Variants in NTRK3 observed in about 807,000 individuals in gnomAD.
NTRK3 encodes neurotrophic receptor tyrosine kinase 3, also known as NT-3 growth factor receptor.
NTRK3 carries 24 observed loss-of-function variants against 91.7 expected under a neutral mutation model. That is an observed-to-expected ratio of 0.26 (90% CI 0.19 to 0.37). The LOEUF is 0.37. NTRK3 is among the 10% of genes least tolerant of loss of function. The pLI is 1.00. For missense variants in NTRK3, 880 were observed against 1,068.9 expected (o/e 0.82, Z 2.46); for synonymous variants, 483 against 404.0 (o/e 1.20, Z -2.34).
At chr15:87,871,634 C>T (rs1047568909) in exon 19 of NTRK3, 3 of 229,346 alleles carry the variant, frequency 1.3e-5, no homozygotes, top group Non-Finnish European at 2.6e-5. Context: ...AATGATCCAA[C>T]TTTACAAGAT....
At chr15:88,041,023 A>G (rs1234660353) in intron 13 of NTRK3, among the ~76,000 whole-genome samples, 1 of 152,208 alleles carries the variant, frequency 6.6e-6, no homozygotes, top group Non-Finnish European at 1.5e-5. Flanking sequence ...GCGTCTTCAC[A>G]CCAAACTACC....
At chr15:88,131,597 GAA>G (rs1197517327) in intron 10 of NTRK3, among the ~76,000 whole-genome samples, 1 of 152,212 alleles carries the variant, frequency 6.6e-6, no homozygotes. Context: ...GAGCCTGAGA[GAA>G]GAGAGGTGCC....
At chr15:88,092,266 C>T (rs77886232) in intron 13 of NTRK3, among the ~76,000 whole-genome samples, 4 of 152,160 alleles carry the variant, frequency 2.6e-5, no homozygotes, top group South Asian at 2.1e-4. Flanking sequence ...GGCTGGGCCA[C>T]GTCTCTAGTC....
chr15:88,168,058 G>A (rs1222469005), intron 5 of NTRK3, among the ~76,000 whole-genome samples: 1 of 152,170 alleles, frequency 6.6e-6, no homozygotes, highest in Non-Finnish European at 1.5e-5. Flanking sequence ...CAGCTGGTCA[G>A]CAAACAAGGT....
chr15:88,110,750 C>A (rs1437243792), intron 13 of NTRK3, among the ~76,000 whole-genome samples: 1 of 152,128 alleles, frequency 6.6e-6, no homozygotes, highest in African/African-American at 2.4e-5. Flanking sequence ...CCCTATAGCT[C>A]GGTGAGACTG....
At chr15:88,145,200 G>C (rs111871915) in intron 6 of NTRK3, among the ~76,000 whole-genome samples, 151 of 152,264 alleles carry the variant, frequency 9.9e-4, no homozygotes, top group African/African-American at 3.5e-3. Context: ...CATTTGCCAG[G>C]AACTGGGATT....
chr15:88,017,716 A>G (rs1310006724), intron 14 of NTRK3, among the ~76,000 whole-genome samples: 3 of 152,124 alleles, frequency 2.0e-5, no homozygotes, highest in Non-Finnish European at 4.4e-5. Context: ...GATGAACATC[A>G]CATCCCAGGC....
intron 13 of NTRK3, among the ~76,000 whole-genome samples, chr15:88,070,049 T>C (rs2046973793): frequency 6.6e-6 from 1 of 152,172 alleles, no homozygotes; most frequent in Non-Finnish European, 1.5e-5. Flanking sequence ...TTCTTTTTGC[T>C]CCCTTCTTCC....
At chr15:88,140,800 C>G (rs540294107) in intron 6 of NTRK3, among the ~76,000 whole-genome samples, 1 of 152,302 alleles carries the variant, frequency 6.6e-6, no homozygotes, top group Non-Finnish European at 1.5e-5. Context: ...AGGGCCCCCC[C>G]AGGACACCCT....
intron 3 of NTRK3, among the ~76,000 whole-genome samples, chr15:88,205,259 C>G (rs11854408): frequency 0.064 from 9,666 of 152,182 alleles, 952 homozygotes; most frequent in African/African-American, 0.21. Context: ...GTGAGAAACA[C>G]AAGGGATGAC....
chr15:87,878,060 T>A (rs758406692), intron 18 of NTRK3, among the ~76,000 whole-genome samples: 3 of 152,166 alleles, frequency 2.0e-5, no homozygotes, highest in Non-Finnish European at 4.4e-5. Flanking sequence ...ACTGAATATA[T>A]GCATTTTCAA....
chr15:88,095,762 G>C (rs904746895), intron 13 of NTRK3, among the ~76,000 whole-genome samples: 56 of 152,250 alleles, frequency 3.7e-4, no homozygotes, highest in African/African-American at 1.2e-3. Flanking sequence ...GTGAAGCTTG[G>C]ATACTCCAAT....
At chr15:87,867,230 C>G (rs2064707466) in exon 19 of NTRK3, 1 of 225,634 alleles carries the variant, frequency 4.4e-6, no homozygotes, top group Non-Finnish European at 8.8e-6. Flanking sequence ...ACTTGTTTTC[C>G]TCTCTGAAAA....
chr15:87,997,356 A>G (rs1254933067), intron 14 of NTRK3, among the ~76,000 whole-genome samples: 1 of 152,160 alleles, frequency 6.6e-6, no homozygotes, highest in African/African-American at 2.4e-5. Flanking sequence ...TCAATGAGAC[A>G]TTTGCTATGC....
chr15:88,072,004 CT>C (rs374364707), intron 13 of NTRK3, among the ~76,000 whole-genome samples: 6,137 of 132,598 alleles, frequency 0.046, 129 homozygotes, highest in African/African-American at 0.074. Flanking sequence ...AATCAAACAT[CT>C]TTTTTTTTTT....
At chr15:88,256,098 C>T in exon 3 of NTRK3, 1 of 1,612,666 alleles carries the variant, frequency 6.2e-7, no homozygotes, top group Non-Finnish European at 8.5e-7. Context: ...CCAGACGCTT[C>T]CCAGCAAGAA....
intron 14 of NTRK3, among the ~76,000 whole-genome samples, chr15:87,946,543 G>A (rs531023490): frequency 1.3e-5 from 2 of 152,236 alleles, no homozygotes; most frequent in East Asian, 3.9e-4. Flanking sequence ...TTCTCTGAAG[G>A]TGTTGACTTA....
chr15:88,147,400 G>A (rs2151314056), exon 6 of NTRK3: 1 of 1,613,650 alleles, frequency 6.2e-7, no homozygotes, highest in Non-Finnish European at 8.5e-7. Flanking sequence ...TACTTGACAG[G>A]TTTCTGCAAG....
chr15:87,875,472 C>T (rs542629091), exon 19 of NTRK3: 44 of 232,358 alleles, frequency 1.9e-4, no homozygotes, highest in Non-Finnish European at 3.1e-4. Flanking sequence ...TCCCTCTCTC[C>T]GGTCAGGGCT....
Sources: gnomAD v4.1 joint callset for allele counts (sites outside exome capture counted in the v4.1 genomes callset) on GRCh38, gnomAD v4.1.1 for gene constraint, MANE v1.5 for transcripts, NCBI Gene and HGNC (gene_info 2026-07-23, HGNC 2026-07-21) for gene names.